The following CYSLTR2 variants were observed in gnomAD, a reference collection of about 807,000 sequenced individuals.
CYSLTR2 encodes the protein G-protein coupled receptor GPCR21.
For missense variants in CYSLTR2, 398 were observed against 411.9 expected, an observed-to-expected ratio of 0.97 and a Z score of 0.29; for synonymous variants, 179 against 160.8, an observed-to-expected ratio of 1.11 and a Z score of -0.86.
chr13:48,685,093 G>A (rs948134121), intron 1 of CYSLTR2, among the ~76,000 whole-genome samples: 2 of 152,140 alleles, frequency 1.3e-5, no homozygotes, highest in African/African-American at 4.8e-5. Context: ...AATAAAAGAG[G>A]TTTAATTGGC....
chr13:48,705,350 A>C (rs1954452381), intron 4 of CYSLTR2, among the ~76,000 whole-genome samples: 1 of 152,100 alleles, frequency 6.6e-6, no homozygotes, highest in Admixed American at 6.5e-5. Context: ...TCGGTCATTT[A>C]AAAAATATAT....
intron 4 of CYSLTR2, among the ~76,000 whole-genome samples, chr13:48,700,094 A>G (rs1474926825): frequency 9.2e-5 from 14 of 152,220 alleles, no homozygotes; most frequent in South Asian, 2.1e-4. Context: ...AGAGGTACAA[A>G]GAGGAGCTGG....
chr13:48,678,823 G>A (rs995091635), intron 1 of CYSLTR2, among the ~76,000 whole-genome samples: 1 of 151,964 alleles, frequency 6.6e-6, no homozygotes, highest in African/African-American at 2.4e-5. Context: ...CCACAGTCTG[G>A]TCAGTTCTCA....
intron 2 of CYSLTR2, among the ~76,000 whole-genome samples, chr13:48,692,282 A>G (rs1472666730): frequency 6.6e-6 from 1 of 152,162 alleles, no homozygotes; most frequent in Non-Finnish European, 1.5e-5. Flanking sequence ...AAGTGTCAAA[A>G]GCACTGAAAG....
chr13:48,679,083 A>G (rs895442571), intron 1 of CYSLTR2, among the ~76,000 whole-genome samples: 2 of 151,954 alleles, frequency 1.3e-5, no homozygotes, highest in African/African-American at 4.8e-5. Context: ...CTGCCCACCC[A>G]TCCTCCTTGC....
intron 3 of CYSLTR2, among the ~76,000 whole-genome samples, chr13:48,695,831 C>T (rs1292072109): frequency 6.6e-6 from 1 of 152,158 alleles, no homozygotes; most frequent in Non-Finnish European, 1.5e-5. Context: ...GAGTTATTTC[C>T]AGTTTGGGGC....
intron 1 of CYSLTR2, among the ~76,000 whole-genome samples, chr13:48,675,573 C>T (rs933086354): frequency 2.0e-5 from 3 of 148,412 alleles, no homozygotes; most frequent in South Asian, 4.2e-4. Flanking sequence ...TCTTAGCTTG[C>T]TGGGCTTTGT....
chr13:48,654,251 T>TTGTGTGTG (rs372575519), intron 1 of CYSLTR2, among the ~76,000 whole-genome samples: 26 of 129,304 alleles, frequency 2.0e-4, no homozygotes, highest in Middle Eastern at 4.3e-3. Context: ...GATCGTCCCT[T>TTGTGTGTG]TGTGTGTGTG....
At position 48,694,490 on chromosome 13, in the gene CYSLTR2, C is replaced by T. The variant is rs186849015; in HGVS notation, c.-103+980C>T. Among the ~76,000 whole-genome samples the T allele has an allele frequency of 3.4e-3, 522 of 152,292 alleles. 3 individuals are homozygous for T. The highest frequency in any genetic ancestry group is 0.012 in the African/African-American group (492 of 41,562). ...TAAGTTTTACAGACTAGAAAGACTC[C>T]AAGGATCTATTCCTAGGAAAACAAA... On this transcript the variant is annotated intron_variant, in intron 3 of 4. Coordinates refer to ENST00000682523, the MANE Select transcript of CYSLTR2 (RefSeq NM_001308476.3).
intron 1 of CYSLTR2, among the ~76,000 whole-genome samples, chr13:48,679,371 C>T (rs1254245287): frequency 6.6e-6 from 1 of 152,126 alleles, no homozygotes; most frequent in Non-Finnish European, 1.5e-5. Flanking sequence ...CCATTCATCA[C>T]CCCAGAGGTT....
At chr13:48,695,676 C>G (rs1022095618) in intron 3 of CYSLTR2, among the ~76,000 whole-genome samples, 1 of 151,946 alleles carries the variant, frequency 6.6e-6, no homozygotes, top group Non-Finnish European at 1.5e-5. Flanking sequence ...TGGGATCACT[C>G]TGTATGATTA....
chr13:48,707,562 A>G lies in CYSLTR2; in HGVS notation c.745A>G (p.Ile249Val), dbSNP rs139465979. The change falls in exon 5 of 5, where the codon ATC (isoleucine) becomes GTC (valine). Residue 249 changes from isoleucine (I) to valine (V), a missense_variant. By Grantham distance (29) the Ile-to-Val change is conservative. Coordinates refer to ENST00000682523, the MANE Select transcript of CYSLTR2 (RefSeq NM_001308476.3). ...RVSHRKALTT[I>V]IITLIIFFLC... is the part of the protein sequence containing the mutation. The stretch of plus-strand genomic sequence containing the variant: ...TTCTCACAGGAAGGCACTGACCACC[A>G]TCATCATCACCTTGATCATCTTCTT... The G allele has an allele frequency of 7.6e-5, 122 of 1,608,400 alleles. No homozygotes were observed. The Middle Eastern group carries it at 1.8e-3, about 24-fold the overall frequency.
At chr13:48,675,046 A>G (rs1169574540) in intron 1 of CYSLTR2, among the ~76,000 whole-genome samples, 1 of 152,112 alleles carries the variant, frequency 6.6e-6, no homozygotes, top group Admixed American at 6.5e-5. Flanking sequence ...GCTCTCCTGT[A>G]TGAGGTGTCT....
chr13:48,697,799 T>A (rs1320261663), intron 4 of CYSLTR2, among the ~76,000 whole-genome samples: 1 of 152,138 alleles, frequency 6.6e-6, no homozygotes, highest in Non-Finnish European at 1.5e-5. Flanking sequence ...CTAACTAGAA[T>A]AAACTGTGTA....
At chr13:48,660,609 A>G (rs1170186194) in intron 1 of CYSLTR2, among the ~76,000 whole-genome samples, 1 of 152,160 alleles carries the variant, frequency 6.6e-6, no homozygotes, top group South Asian at 2.1e-4. Context: ...TTTCACATTC[A>G]AAATATGTCA....
chr13:48,702,479 T>C (rs938858864), intron 4 of CYSLTR2, among the ~76,000 whole-genome samples: 1 of 152,164 alleles, frequency 6.6e-6, no homozygotes, highest in Admixed American at 6.5e-5. Context: ...TTGTATAAGG[T>C]GTGAGATTTA....
intron 1 of CYSLTR2, among the ~76,000 whole-genome samples, chr13:48,687,452 T>C (rs1953923898): frequency 6.6e-6 from 1 of 152,144 alleles, no homozygotes; most frequent in African/African-American, 2.4e-5. Context: ...TTATCATCTA[T>C]CAATTATCCA....
chr13:48,698,201 C>T lies in CYSLTR2; in HGVS notation c.-2+1575C>T, dbSNP rs1420170415. On this transcript the variant is annotated intron_variant, in intron 4 of 4. Transcript: ENST00000682523. ...CTAAGATACTCCTCGAGAAGAGCAA[C>T]TCCAAGACACATAATTGTCAGATTC... is the stretch of plus-strand genomic sequence containing the variant. Among the ~76,000 whole-genome samples, 9 of 152,250 alleles carry T rather than the reference C, an allele frequency of 5.9e-5. No individual in the cohort carries two copies. In the East Asian group the frequency reaches 9.7e-4, roughly 16 times the overall value.
At chr13:48,688,930 A>C (rs1473753424) in intron 1 of CYSLTR2, among the ~76,000 whole-genome samples, 2 of 152,144 alleles carry the variant, frequency 1.3e-5, no homozygotes, top group Admixed American at 1.3e-4. Flanking sequence ...TTGCTTCCTG[A>C]CTTTTTAATG....
Sources: allele counts gnomAD v4.1 joint callset (sites outside exome capture counted in the v4.1 genomes callset), GRCh38; gene constraint gnomAD v4.1.1; transcripts MANE v1.5; gene names NCBI Gene and HGNC (gene_info 2026-07-23, HGNC 2026-07-21).